Variants in NEK11 observed in about 807,000 individuals in gnomAD.
NEK11 encodes serine/threonine-protein kinase Nek11.
Under a neutral mutation model 80.7 loss-of-function variants are expected in NEK11, and 72 were observed. That is an observed-to-expected ratio of 0.89 (90% CI 0.74 to 1.08). The LOEUF is 1.08. Ranked by LOEUF, NEK11 falls within the 50% of genes least tolerant of loss-of-function variation. The pLI is 0.00. For missense variants in NEK11, 764 were observed against 763.6 expected (o/e 1.00, Z -0.01); for synonymous variants, 251 against 260.7 (o/e 0.96, Z 0.36).
intron 17 of NEK11, among the ~76,000 whole-genome samples, chr3:131,303,829 G>A (rs1312343887): frequency 6.6e-6 from 1 of 152,010 alleles, no homozygotes; most frequent in Non-Finnish European, 1.5e-5. Flanking sequence ...CTGTGTCTTG[G>A]GGATGCTCAT....
intron 17 of NEK11, among the ~76,000 whole-genome samples, chr3:131,299,412 G>T (rs570409182): frequency 6.6e-6 from 1 of 151,990 alleles, no homozygotes; most frequent in Non-Finnish European, 1.5e-5. Context: ...GGCTAGTCTC[G>T]AACTCCTGGC....
intron 17 of NEK11, chr3:131,329,491 G>A (rs547735033): frequency 4.0e-5 from 6 of 151,470 alleles, no homozygotes; most frequent in Admixed American, 1.3e-4. Flanking sequence ...AATATTTTTC[G>A]TGTTTTCATG....
intron 14 of NEK11, among the ~76,000 whole-genome samples, chr3:131,211,940 A>G (rs921274169): frequency 1.1e-4 from 16 of 151,942 alleles, no homozygotes; most frequent in Admixed American, 2.6e-4. Context: ...GTTTCTTATT[A>G]CCGATCTTCT....
chr3:131,035,523 A>T (rs1471648060), intron 3 of NEK11, among the ~76,000 whole-genome samples: 1 of 152,214 alleles, frequency 6.6e-6, no homozygotes, highest in African/African-American at 2.4e-5. Flanking sequence ...AAAAGGGCTC[A>T]GGGGTTCAGC....
intron 17 of NEK11, among the ~76,000 whole-genome samples, chr3:131,317,701 T>G (rs908920237): frequency 6.1e-5 from 9 of 148,760 alleles, no homozygotes; most frequent in African/African-American, 2.0e-4. Flanking sequence ...TCAAGACCAG[T>G]CTGGGTGACA....
At chr3:131,107,624 A>G (rs1439865491) in intron 4 of NEK11, among the ~76,000 whole-genome samples, 1 of 152,108 alleles carries the variant, frequency 6.6e-6, no homozygotes, top group African/African-American at 2.4e-5. Flanking sequence ...GCCCTGCAGA[A>G]CCTTCATATA....
chr3:131,157,787 G>A (rs1045112338), intron 10 of NEK11, among the ~76,000 whole-genome samples: 4 of 152,178 alleles, frequency 2.6e-5, no homozygotes, highest in Non-Finnish European at 5.9e-5. Context: ...GGGGGAATGG[G>A]TGAGTTGAAC....
At chr3:131,042,931 T>G (rs576390159) in intron 3 of NEK11, among the ~76,000 whole-genome samples, 9 of 152,286 alleles carry the variant, frequency 5.9e-5, no homozygotes, top group African/African-American at 1.9e-4. Context: ...CAGCAATCTT[T>G]GCTGTTCTGC....
At chr3:131,199,701 A>C (rs2094156805) in intron 14 of NEK11, among the ~76,000 whole-genome samples, 1 of 152,188 alleles carries the variant, frequency 6.6e-6, no homozygotes, top group Admixed American at 6.5e-5. Flanking sequence ...CTTATAAAAC[A>C]CAGTGGCATT....
At chr3:131,278,965 T>C (rs905376233) in intron 17 of NEK11, among the ~76,000 whole-genome samples, 1 of 152,114 alleles carries the variant, frequency 6.6e-6, no homozygotes, top group Non-Finnish European at 1.5e-5. Context: ...CATTAAAGTT[T>C]GAGACATTTG....
intron 14 of NEK11, among the ~76,000 whole-genome samples, chr3:131,206,274 A>G (rs1457126106): frequency 1.3e-5 from 2 of 152,230 alleles, no homozygotes; most frequent in Admixed American, 1.3e-4. Flanking sequence ...CTACCAGAAA[A>G]TTGTAGACAG....
chr3:131,278,599 C>T (rs2096343318), intron 17 of NEK11, among the ~76,000 whole-genome samples: 1 of 151,832 alleles, frequency 6.6e-6, no homozygotes, highest in South Asian at 2.1e-4. Context: ...GATTAAATTC[C>T]AGGCCTGGCT....
chr3:131,085,454 G>A (rs2056146), intron 4 of NEK11, among the ~76,000 whole-genome samples: 1,528 of 152,288 alleles, frequency 0.01, 19 homozygotes, highest in East Asian at 0.071. Context: ...ATTTATATCA[G>A]TTGCTAAAAT....
At chr3:131,247,405 CT>C (rs1282141808) in intron 16 of NEK11, among the ~76,000 whole-genome samples, 13 of 152,082 alleles carry the variant, frequency 8.5e-5, no homozygotes, top group African/African-American at 2.4e-5. Context: ...TTTTTGTTTG[CT>C]TTGTTGAATA....
At chr3:131,080,318 G>T in intron 3 of NEK11, 105 bp from the exon 4 acceptor site, 1 of 788,386 alleles carries the variant, frequency 1.3e-6, no homozygotes, top group South Asian at 1.9e-5. Flanking sequence ...AGATATATGA[G>T]TAGGTCACAA....
chr3:131,232,801 A>G (rs1437347768), intron 15 of NEK11, among the ~76,000 whole-genome samples: 1 of 152,182 alleles, frequency 6.6e-6, no homozygotes, highest in Admixed American at 6.6e-5. Context: ...TAATCAGATC[A>G]TAGTAATGAT....
chr3:131,174,644 T>G, intron 14 of NEK11: 1 of 1,040,200 alleles, frequency 9.6e-7, no homozygotes. Context: ...AAAGTACAAC[T>G]GGAATGTTAA....
chr3:131,126,847 C>T (rs2083424353), intron 5 of NEK11, among the ~76,000 whole-genome samples: 1 of 151,950 alleles, frequency 6.6e-6, no homozygotes. Context: ...TTCTGTTCTT[C>T]ATTGCTATGC....
chr3:131,302,457 T>G (rs1233332973), intron 17 of NEK11, among the ~76,000 whole-genome samples: 1 of 152,130 alleles, frequency 6.6e-6, no homozygotes, highest in Non-Finnish European at 1.5e-5. Flanking sequence ...GGTTGTTAAT[T>G]TGAGATCTAA....
Sources: gnomAD v4.1 joint callset for allele counts (sites outside exome capture counted in the v4.1 genomes callset) on GRCh38, gnomAD v4.1.1 for gene constraint, MANE v1.5 for transcripts, NCBI Gene and HGNC (gene_info 2026-07-23, HGNC 2026-07-21) for gene names.